CNTNAP2: variants seen among roughly 807,000 people sequenced by gnomAD.
The protein encoded by CNTNAP2 is contactin-associated protein-like 2.
A neutral mutation model predicts 155.2 loss-of-function variants in CNTNAP2; 98 were observed. That is an observed-to-expected ratio of 0.63 (90% CI 0.54 to 0.75). The LOEUF (loss-of-function observed/expected upper bound fraction) is 0.75, where lower values mean the gene tolerates loss of function less well. Among genes scored for constraint, CNTNAP2 ranks in the 30% least tolerant of loss-of-function variants. The pLI is 0.00. For missense variants in CNTNAP2, 1,727 were observed against 1,688.1 expected (o/e 1.02, Z -0.40); for synonymous variants, 651 against 631.2 (o/e 1.03, Z -0.47).
intron 15 of CNTNAP2, among the ~76,000 whole-genome samples, chr7:148,003,561 G>C (rs1203126965): frequency 1.3e-5 from 2 of 152,136 alleles, no homozygotes; most frequent in Admixed American, 6.6e-5. Flanking sequence ...ATCGGAGAGG[G>C]CACCAGAGGT....
At chr7:147,455,996 C>A (rs1797912311) in intron 10 of CNTNAP2, among the ~76,000 whole-genome samples, 1 of 151,998 alleles carries the variant, frequency 6.6e-6, no homozygotes, top group Admixed American at 6.6e-5. Flanking sequence ...AAAACAAAAA[C>A]ATTCTGTAAC....
At chr7:147,309,420 G>A (rs1048479432) in intron 9 of CNTNAP2, among the ~76,000 whole-genome samples, 8 of 151,926 alleles carry the variant, frequency 5.3e-5, no homozygotes, top group African/African-American at 1.7e-4. Flanking sequence ...ATTTAATTTG[G>A]CTTGGCTAAT....
chr7:147,958,255 A>G (rs561429720), intron 14 of CNTNAP2, among the ~76,000 whole-genome samples: 1 of 152,322 alleles, frequency 6.6e-6, no homozygotes, highest in African/African-American at 2.4e-5. Context: ...GATTATAATG[A>G]TCACCAAAAA....
In CNTNAP2 at chr7:146,756,500, T is replaced by G. The variant is rs765688356; in HGVS notation, c.98-17771T>G. On this transcript the variant is annotated intron_variant, in intron 1 of 23. Coordinates refer to ENST00000361727, the MANE Select transcript of CNTNAP2 (RefSeq NM_014141.6). ...TATGGTAGGTATCTTTTCATATCTT[T>G]TCTAGACTCTCAAGTCTCATTAAGC... is the stretch of plus-strand genomic sequence containing the variant. Among the ~76,000 whole-genome samples the G allele has an allele frequency of 2.6e-5, 4 of 152,034 alleles. No individual in the cohort carries two copies. In the South Asian group the frequency reaches 8.3e-4, roughly 31 times the overall value.
chr7:146,336,770 C>G (rs1329559723), intron 1 of CNTNAP2, among the ~76,000 whole-genome samples: 1 of 152,114 alleles, frequency 6.6e-6, no homozygotes, highest in African/African-American at 2.4e-5. Flanking sequence ...GAAGACCTAA[C>G]AACAAGAAGA....
chr7:148,106,647 C>T (rs1455654092), intron 15 of CNTNAP2, among the ~76,000 whole-genome samples: 1 of 151,906 alleles, frequency 6.6e-6, no homozygotes, highest in Non-Finnish European at 1.5e-5. Flanking sequence ...AGACCTGAGC[C>T]ACTATGGCCA....
intron 3 of CNTNAP2, among the ~76,000 whole-genome samples, chr7:146,971,468 T>C (rs1797797876): frequency 6.6e-6 from 1 of 152,200 alleles, no homozygotes; most frequent in East Asian, 1.9e-4. Context: ...AGAAGGGTTA[T>C]CTAAGTCTAT....
At chr7:146,392,224 G>A (rs1795554996) in intron 1 of CNTNAP2, among the ~76,000 whole-genome samples, 1 of 151,748 alleles carries the variant, frequency 6.6e-6, no homozygotes, top group Non-Finnish European at 1.5e-5. Context: ...ATATTTCATG[G>A]TATTTTTGAG....
chr7:147,945,995 G>C (rs945610772), intron 14 of CNTNAP2, among the ~76,000 whole-genome samples: 1 of 150,814 alleles, frequency 6.6e-6, no homozygotes, highest in Non-Finnish European at 1.5e-5. Context: ...AGCCTCCTAA[G>C]TAGCTGGGAT....
intron 1 of CNTNAP2, among the ~76,000 whole-genome samples, chr7:146,306,208 A>C (rs1481265496): frequency 2.0e-5 from 3 of 152,172 alleles, no homozygotes; most frequent in Non-Finnish European, 4.4e-5. Context: ...AAGGAGTTGA[A>C]TCACTGAATA....
intron 1 of CNTNAP2, among the ~76,000 whole-genome samples, chr7:146,510,621 G>T (rs1797451281): frequency 6.6e-6 from 1 of 151,942 alleles, no homozygotes; most frequent in Admixed American, 6.6e-5. Context: ...CACAGATATG[G>T]GATATCTTTC....
chr7:147,137,331 G>T (rs1385605239), intron 8 of CNTNAP2, among the ~76,000 whole-genome samples: 2 of 150,780 alleles, frequency 1.3e-5, no homozygotes, highest in Non-Finnish European at 3.0e-5. Flanking sequence ...ATAAATATAG[G>T]AATTTTATTT....
At chr7:147,679,084 T>C (rs1453712640) in intron 13 of CNTNAP2, among the ~76,000 whole-genome samples, 9 of 151,940 alleles carry the variant, frequency 5.9e-5, no homozygotes, top group African/African-American at 1.9e-4. Flanking sequence ...AATGAAAGCA[T>C]GTCATTCTTT....
chr7:148,332,742 A>T (rs1798051830), intron 21 of CNTNAP2, among the ~76,000 whole-genome samples: 1 of 152,212 alleles, frequency 6.6e-6, no homozygotes, highest in African/African-American at 2.4e-5. Flanking sequence ...AAATTACACC[A>T]GGCCATCCAT....
At chr7:148,353,297 T>C (rs144596784) in intron 21 of CNTNAP2, among the ~76,000 whole-genome samples, 386 of 152,372 alleles carry the variant, frequency 2.5e-3, no homozygotes, top group African/African-American at 8.7e-3. Flanking sequence ...TACTGGATAC[T>C]GCAGATGCAC....
At chr7:147,271,150 CATG>C (rs1264678647) in intron 8 of CNTNAP2, among the ~76,000 whole-genome samples, 1 of 152,150 alleles carries the variant, frequency 6.6e-6, no homozygotes, top group African/African-American at 2.4e-5. Context: ...TTGTATAGAT[CATG>C]ATAACACCTC....
intron 21 of CNTNAP2, among the ~76,000 whole-genome samples, chr7:148,314,964 G>A (rs550800066): frequency 4.2e-4 from 64 of 152,268 alleles, no homozygotes; most frequent in African/African-American, 1.4e-3. Flanking sequence ...TTAAGAGAAG[G>A]GAGAGATTGA....
intron 10 of CNTNAP2, among the ~76,000 whole-genome samples, chr7:147,403,730 C>T (rs826656): frequency 0.13 from 19,328 of 152,204 alleles, 1,493 homozygotes; most frequent in East Asian, 0.32. Flanking sequence ...TTTTCTGTTT[C>T]AGTCCAGACT....
intron 15 of CNTNAP2, among the ~76,000 whole-genome samples, chr7:147,996,316 T>G (rs1238322301): frequency 6.6e-6 from 1 of 152,232 alleles, no homozygotes; most frequent in African/African-American, 2.4e-5. Flanking sequence ...CTTATCAACA[T>G]GCAGATTCCC....
Sources: allele counts gnomAD v4.1 joint callset (sites outside exome capture counted in the v4.1 genomes callset), GRCh38; gene constraint gnomAD v4.1.1; transcripts MANE v1.5; gene names NCBI Gene and HGNC (gene_info 2026-07-23, HGNC 2026-07-21).